C11orf65: variants seen among roughly 807,000 people sequenced by gnomAD.
C11orf65 encodes chromosome 11 open reading frame 65, also known as protein MFI.
Under a neutral mutation model 35.3 loss-of-function variants are expected in C11orf65, and 38 were observed. The ratio of observed to expected loss-of-function variants is 1.08; its 90% confidence interval spans 0.83 to 1.41. The LOEUF is 1.41. Ranked by LOEUF, C11orf65 falls within the 40% of genes most tolerant of loss-of-function variation. C11orf65 has a pLI of 0.00. For missense variants in C11orf65, 370 were observed against 367.1 expected, an observed-to-expected ratio of 1.01 and a Z score of -0.06; for synonymous variants, 105 against 114.4, an observed-to-expected ratio of 0.92 and a Z score of 0.53.
At chr11:108,396,870 T>TAAATAAATAAATAAAATA (rs71942809) in intron 6 of C11orf65, among the ~76,000 whole-genome samples, 2 of 144,934 alleles carry the variant, frequency 1.4e-5, no homozygotes, top group African/African-American at 5.1e-5. Flanking sequence ...AATAAATAAA[T>TAAATAAATAAATAAAATA]AAATAAAATA....
intron 2 of C11orf65, among the ~76,000 whole-genome samples, chr11:108,360,461 T>C (rs566438339): frequency 8.0e-6 from 1 of 124,296 alleles, no homozygotes; most frequent in Non-Finnish European, 1.7e-5. Context: ...CCAGCATCAT[T>C]CTGATACCAA....
intron 2 of C11orf65, among the ~76,000 whole-genome samples, chr11:108,454,932 C>G (rs2093394920): frequency 6.6e-6 from 1 of 151,872 alleles, no homozygotes; most frequent in South Asian, 2.1e-4. Flanking sequence ...TTAGTTTGTT[C>G]TTCTGTTTCT....
chr11:108,338,716 C>T (rs2087134877), intron 2 of C11orf65, among the ~76,000 whole-genome samples: 1 of 151,830 alleles, frequency 6.6e-6, no homozygotes, highest in Non-Finnish European at 1.5e-5. Flanking sequence ...TGTTATACAT[C>T]TCAATATTAA....
At chr11:108,439,929 T>G (rs1315503243) in intron 2 of C11orf65, among the ~76,000 whole-genome samples, 1 of 152,184 alleles carries the variant, frequency 6.6e-6, no homozygotes, top group African/African-American at 2.4e-5. Context: ...GTAATTGAGT[T>G]ATACACCTAA....
chr11:108,336,609 C>T (rs1181918535), intron 2 of C11orf65, among the ~76,000 whole-genome samples: 3 of 152,160 alleles, frequency 2.0e-5, no homozygotes, highest in East Asian at 1.9e-4. Context: ...CTACAAACAA[C>T]GCTGTATTGT....
intron 2 of C11orf65, among the ~76,000 whole-genome samples, chr11:108,372,571 A>T (rs548084014): frequency 6.6e-6 from 1 of 152,340 alleles, no homozygotes; most frequent in South Asian, 2.1e-4. Context: ...CAGAAAAAGG[A>T]AATTAGCTGT....
chr11:108,464,810 T>G (rs975555102), intron 1 of C11orf65, among the ~76,000 whole-genome samples: 1 of 152,120 alleles, frequency 6.6e-6, no homozygotes, highest in African/African-American at 2.4e-5. Flanking sequence ...ATGCTGTTGG[T>G]ATTTTTCCAC....
chr11:108,426,612 T>C (rs533513883), intron 3 of C11orf65, among the ~76,000 whole-genome samples: 68 of 152,272 alleles, frequency 4.5e-4, no homozygotes, highest in African/African-American at 1.5e-3. Context: ...CCCATCAAGC[T>C]ACCATTGACT....
intron 6 of C11orf65, chr11:108,310,386 G>T: frequency 7.0e-7 from 1 of 1,422,932 alleles, no homozygotes; most frequent in Non-Finnish European, 9.7e-7. Context: ...ATATAGTAAA[G>T]ATTTATTTTG....
chr11:108,387,334 T>C (rs1324581154), intron 7 of C11orf65, among the ~76,000 whole-genome samples: 1 of 151,670 alleles, frequency 6.6e-6, no homozygotes, highest in African/African-American at 2.4e-5. Context: ...TTTGTACTTT[T>C]AGTACAGACA....
chr11:108,334,775 G>A (rs533895895), intron 3 of C11orf65, among the ~76,000 whole-genome samples: 1 of 152,240 alleles, frequency 6.6e-6, no homozygotes, highest in South Asian at 2.1e-4. Flanking sequence ...ATATATTAGT[G>A]AATCTTTGAT....
chr11:108,451,185 G>C (rs530212468), intron 2 of C11orf65, among the ~76,000 whole-genome samples: 11 of 151,842 alleles, frequency 7.2e-5, no homozygotes, highest in East Asian at 3.9e-4. Context: ...AGAAATAAAG[G>C]GTATTCAATT....
At chr11:108,413,429 A>G (rs1465254690) in intron 3 of C11orf65, among the ~76,000 whole-genome samples, 1 of 152,188 alleles carries the variant, frequency 6.6e-6, no homozygotes, top group African/African-American at 2.4e-5. Context: ...CTTCTATGTG[A>G]GAACATTTGA....
chr11:108,379,620 G>T (rs1408311929), downstream of C11orf65, among the ~76,000 whole-genome samples: 1 of 151,024 alleles, frequency 6.6e-6, no homozygotes, highest in South Asian at 2.1e-4. Context: ...AAAACTTAAA[G>T]TATAATAATA....
intron 2 of C11orf65, among the ~76,000 whole-genome samples, chr11:108,437,707 TAAAAAAA>T (rs145337876): frequency 1.6e-3 from 61 of 38,022 alleles, no homozygotes; most frequent in Non-Finnish European, 1.3e-3. Flanking sequence ...GACTCAGTCT[TAAAAAAA>T]AAAAAAAAAA....
chr11:108,445,289 GA>G (rs1180187924), intron 2 of C11orf65, among the ~76,000 whole-genome samples: 1 of 152,220 alleles, frequency 6.6e-6, no homozygotes, highest in Non-Finnish European at 1.5e-5. Context: ...GGAGATCTGA[GA>G]ATGGGCAGAC....
chr11:108,414,202 A>G (rs1048158253), intron 3 of C11orf65, among the ~76,000 whole-genome samples: 2 of 152,058 alleles, frequency 1.3e-5, no homozygotes, highest in Non-Finnish European at 2.9e-5. Context: ...GATATTACAC[A>G]TTACTAATAT....
At chr11:108,446,310 A>T (rs2135572475) in intron 2 of C11orf65, among the ~76,000 whole-genome samples, 1 of 151,512 alleles carries the variant, frequency 6.6e-6, no homozygotes, top group South Asian at 2.1e-4. Flanking sequence ...TGAGAAGAGC[A>T]ACTCCAAGAC....
intron 2 of C11orf65, among the ~76,000 whole-genome samples, chr11:108,446,477 T>G (rs1458000631): frequency 2.0e-5 from 3 of 151,662 alleles, no homozygotes; most frequent in African/African-American, 7.3e-5. Context: ...GGGCCAATAT[T>G]CAACATTCTT....
Sources: allele counts gnomAD v4.1 joint callset (sites outside exome capture counted in the v4.1 genomes callset), GRCh38; gene constraint gnomAD v4.1.1; transcripts MANE v1.5; gene names NCBI Gene and HGNC (gene_info 2026-07-23, HGNC 2026-07-21).